The following ZNF211 variants were observed in gnomAD, a reference collection of about 807,000 sequenced individuals.
ZNF211 encodes zinc finger protein 211, also known as zinc finger protein C2H2-25.
Under a neutral mutation model 12.1 loss-of-function variants are expected in ZNF211, and 18 were observed. That is an observed-to-expected ratio of 1.48 (90% CI 1.03 to 2.20). The LOEUF is 2.20. Among genes scored for constraint, ZNF211 ranks in the 30% most tolerant of loss-of-function variants. The pLI is 0.00. For missense variants in ZNF211, 677 were observed against 703.1 expected (o/e 0.96, Z 0.42); for synonymous variants, 249 against 246.0 (o/e 1.01, Z -0.11).
Position 57,640,857 on chromosome 19 carries a change from A to C in ZNF211, c.410A>C (p.His137Pro). Residue 137 changes from histidine to proline, a missense_variant, in exon 4 of 4, where the codon CAC (histidine) becomes CCC (proline). Coordinates refer to ENST00000240731, the MANE Select transcript of ZNF211 (RefSeq NM_006385.5). Reference sequence around the variant, plus strand: ...TGCCTGGTCTTGAGAGATATTTTGCACTTGGCTGAACACCAAGGAACAAAC... The same window carrying C: ...TGCCTGGTCTTGAGAGATATTTTGCCCTTGGCTGAACACCAAGGAACAAAC... ...ICCLVLRDIL[H>P]LAEHQGTNCG... 6.2e-7 allele frequency: 1 copy of C among 1,614,230 alleles called. No homozygotes were observed. The highest frequency in any genetic ancestry group is 1.6e-4 in the Middle Eastern group (1 of 6,062).
rs1301377341 is a variant in ZNF211, at chr19:57,633,652, C to G, written c.90+216C>G. The G allele has an allele frequency of 3.3e-6, 5 of 1,534,146 alleles. No homozygotes were observed. In the East Asian group the frequency reaches 1.2e-4, roughly 38 times the overall value. On this transcript the variant is annotated intron_variant, in intron 1 of 3. Transcript: ENST00000240731. ...AACCGAGAAGGGGGCATTCAGGAAC[C>G]TGGGCTCCACATTGTTACTGCAGGG... is the stretch of plus-strand genomic sequence containing the variant.
In ZNF211 at chr19:57,641,961, G is replaced by C. The variant is rs1237451052; in HGVS notation, c.1514G>C (p.Cys505Ser). The C allele has an allele frequency of 3.1e-6, 5 of 1,613,094 alleles. No homozygotes were observed. Among genetic ancestry groups the C allele is most frequent in the Non-Finnish European group, 4.2e-6 (5 of 1,179,716 alleles). ...AGTGAATGTAGCAAATCCTTTAGCTGTAAATCTAACCTCATTAAACACCTG... is the reference window on the plus strand; with the variant it reads ...AGTGAATGTAGCAAATCCTTTAGCTCTAAATCTAACCTCATTAAACACCTG... ...ECSECSKSFS[C>S]KSNLIKHLRV... The change falls in exon 4 of 4, where the codon TGT (cysteine) becomes TCT (serine). Residue 505 changes from cysteine to serine, a missense_variant. Transcript: ENST00000240731.
At chr19:57,637,341 G>C (rs184300569) in intron 3 of ZNF211, among the ~76,000 whole-genome samples, 15 of 151,332 alleles carry the variant, frequency 9.9e-5, no homozygotes, top group Non-Finnish European at 1.9e-4. Flanking sequence ...TAATTTCCCT[G>C]TATTCCTGGT....
At chr19:57,637,221 C>T (rs1043051891) in intron 3 of ZNF211, among the ~76,000 whole-genome samples, 33 of 150,270 alleles carry the variant, frequency 2.2e-4, no homozygotes, top group African/African-American at 8.1e-4. Flanking sequence ...CTAAAAGTAG[C>T]ATCCTTATCT....
rs555928066 is a variant in ZNF211 at position 57,641,536 on chromosome 19, T to C, written c.1089T>C (p.Phe363=). ...PYECGECGKS[F]SQRSNLMQHR... ...AATGTGGGGAATGTGGGAAATCTTT[T>C]AGCCAAAGGTCCAACCTCATGCAGC... Residue 363 remains phenylalanine (F), a synonymous_variant, in exon 4 of 4, where the codon TTT becomes TTC. Coordinates refer to ENST00000240731, the MANE Select transcript of ZNF211 (RefSeq NM_006385.5). 79 of 1,614,180 alleles carry C rather than the reference T, an allele frequency of 4.9e-5. No homozygotes were observed. The South Asian group carries it at 7.8e-4, about 16-fold the overall frequency.
Position 57,641,118 on chromosome 19 carries a change from A to G in ZNF211, c.671A>G (p.Lys224Arg), listed in dbSNP as rs745320857. The G allele has an allele frequency of 6.2e-7, 1 of 1,614,240 alleles. No homozygotes were observed. The highest frequency in any genetic ancestry group is 8.5e-7 in the Non-Finnish European group (1 of 1,180,046). The change falls in exon 4 of 4, where the codon AAG becomes AGG. Residue 224 changes from lysine (K) to arginine (R), a missense_variant. Physicochemically the swap from Lys to Arg is conservative, Grantham distance 26. Coordinates refer to ENST00000240731, the MANE Select transcript of ZNF211 (RefSeq NM_006385.5). ...LHQDATQTGE[K>R]PNNSNKCAVA... Reference sequence around the variant, plus strand: ...CAAGACGCCACTCAAACAGGGGAGAAGCCAAATAACAGTAACAAGTGTGCG... The same window carrying G: ...CAAGACGCCACTCAAACAGGGGAGAGGCCAAATAACAGTAACAAGTGTGCG...
intron 2 of ZNF211, 54 bp downstream of exon 2, chr19:57,634,115 CCAGA>C (rs1981830502): frequency 6.7e-7 from 1 of 1,495,480 alleles, no homozygotes; most frequent in South Asian, 1.4e-5. Context: ...TCCACCCTCC[CCAGA>C]CAGATATTTT....
At chr19:57,639,956 G>A (rs545208886) in intron 3 of ZNF211, 3 of 1,523,966 alleles carry the variant, frequency 2.0e-6, no homozygotes, top group East Asian at 2.5e-5. Flanking sequence ...ACTAGGGCTA[G>A]GGGAAGTGCC....
chr19:57,639,918 T>A (rs4801508), intron 3 of ZNF211: 3 of 1,535,018 alleles, frequency 2.0e-6, no homozygotes, highest in Non-Finnish European at 2.6e-6. Flanking sequence ...TTAGGACTTA[T>A]ATCATCCTGG....
chr19:57,637,801 G>T (rs1982330873), intron 3 of ZNF211, among the ~76,000 whole-genome samples: 1 of 151,938 alleles, frequency 6.6e-6, no homozygotes, highest in African/African-American at 2.4e-5. Flanking sequence ...TTTTTTGAGA[G>T]AATTTGAAAA....
At position 57,634,076 on chromosome 19, in the gene ZNF211, C is replaced by G. The variant is rs756144355; in HGVS notation, c.129+15C>G. On this transcript the variant is annotated intron_variant, in intron 2 of 3. Transcript: ENST00000240731. Reference sequence around the variant, plus strand: ...AACTTACACAGGTAAGTGGAGGTATCTCAGCCCCTCACTGGTCTGGAATGT... The same window carrying G: ...AACTTACACAGGTAAGTGGAGGTATGTCAGCCCCTCACTGGTCTGGAATGT... 6.4e-6 allele frequency: 10 copies of G among 1,557,862 alleles called. No homozygotes were observed. In the East Asian group the frequency reaches 6.7e-5, roughly 10 times the overall value.
At chr19:57,640,474 T>C (rs1982745021) in intron 3 of ZNF211, among the ~76,000 whole-genome samples, 1 of 152,216 alleles carries the variant, frequency 6.6e-6, no homozygotes, top group Non-Finnish European at 1.5e-5. Flanking sequence ...CTCTTAGTCC[T>C]GGGCCATACC....
At chr19:57,638,986 T>C (rs1343451022) in intron 3 of ZNF211, among the ~76,000 whole-genome samples, 1 of 152,222 alleles carries the variant, frequency 6.6e-6, no homozygotes, top group East Asian at 1.9e-4. Flanking sequence ...CTTTTTGATT[T>C]AAAATCTCTA....
rs986937444 is a variant in ZNF211, at chr19:57,643,736, CT to C, written c.*1560del. 8.1e-4 allele frequency among the ~76,000 whole-genome samples: 124 copies of C among 152,256 alleles called. No homozygotes were observed. Among genetic ancestry groups the C allele is most frequent in the Middle Eastern group, 3.4e-3 (1 of 294 alleles). ...CAGTCACCTCGGATTTACCTCAGGC[CT>C]TTTTCTAAGCTCTCCCTCCCCTCTC... On this transcript the variant is annotated 3_prime_UTR_variant, in exon 4 of 4. Transcript: ENST00000240731.
At chr19:57,634,799 T>A in intron 3 of ZNF211, 44 bp downstream of exon 3, 1 of 1,472,654 alleles carries the variant, frequency 6.8e-7, no homozygotes. Context: ...CTAGGCTCTC[T>A]GTTTCTCCTT....
At chr19:57,633,805 G>T (rs756156641) in intron 1 of ZNF211, 15 of 1,565,460 alleles carry the variant, frequency 9.6e-6, no homozygotes, top group African/African-American at 9.4e-5. Context: ...TGGAAGAAAA[G>T]ACTTTAGAGA....
Position 57,642,161 on chromosome 19 carries a change from C to T in ZNF211, c.1714C>T (p.His572Tyr), listed in dbSNP as rs370873175. 9.9e-6 allele frequency: 16 copies of T among 1,608,338 alleles called. No homozygotes were observed. The highest frequency in any genetic ancestry group is 2.6e-6 in the Non-Finnish European group (3 of 1,176,196). The change falls in exon 4 of 4, where the codon CAC becomes TAC. Residue 572 changes from histidine to tyrosine, a missense_variant. Coordinates refer to ENST00000240731, the MANE Select transcript of ZNF211 (RefSeq NM_006385.5). ...TGTCCTCATTCAACACCAGAGAGTT[C>T]ACATTGGAGAAAAGCCTTAGCTGTA... ...KSVLIQHQRV[H>Y]IGEKP
chr19:57,640,538 A>T (rs1982751149), intron 3 of ZNF211, among the ~76,000 whole-genome samples, 166 bp from the exon 4 acceptor site: 1 of 152,222 alleles, frequency 6.6e-6, no homozygotes, highest in Non-Finnish European at 1.5e-5. Context: ...AACCTTAGGG[A>T]CAAGTAATGC....
intron 3 of ZNF211, chr19:57,639,894 G>T: frequency 6.5e-7 from 1 of 1,527,930 alleles, no homozygotes; most frequent in Non-Finnish European, 8.8e-7. Context: ...TTGCTCACAT[G>T]TCCTGTCTTT....
Sources: gnomAD v4.1 joint callset for allele counts (sites outside exome capture counted in the v4.1 genomes callset) on GRCh38, gnomAD v4.1.1 for gene constraint, MANE v1.5 for transcripts, NCBI Gene and HGNC (gene_info 2026-07-23, HGNC 2026-07-21) for gene names.